Variants in DPRX observed in about 807,000 individuals in gnomAD.
The protein encoded by DPRX is divergent paired-related homeobox.
DPRX carries 11 observed loss-of-function variants against 8.4 expected under a neutral mutation model. The observed-to-expected ratio is 1.31, with a 90% CI of 0.82 to 2.17. DPRX has a LOEUF of 2.17. Among genes scored for constraint, DPRX ranks in the 30% most tolerant of loss-of-function variants. The probability of loss-of-function intolerance (pLI) is 0.00; values close to 1 mark genes in which losing one functional copy is unlikely to be tolerated. For missense variants in DPRX, 211 were observed against 236.7 expected, an observed-to-expected ratio of 0.89 and a Z score of 0.71; for synonymous variants, 72 against 87.0, an observed-to-expected ratio of 0.83 and a Z score of 0.96.
At chr19:53,619,462 G>T in the DPRX span, among the ~76,000 whole-genome samples, 1 of 152,082 alleles carries the variant, frequency 6.6e-6, no homozygotes, top group Non-Finnish European at 1.5e-5. Context: ...ATCACCTGAG[G>T]TTGGGAGTTA....
chr19:53,627,610 T>C (rs531763033), upstream of DPRX, among the ~76,000 whole-genome samples: 11 of 151,326 alleles, frequency 7.3e-5, no homozygotes, highest in East Asian at 2.2e-3. Context: ...CTAATTTTTG[T>C]ACTTTTTTAG....
chr19:53,624,745 G>A, the DPRX span, among the ~76,000 whole-genome samples: 1 of 150,684 alleles, frequency 6.6e-6, no homozygotes, highest in Non-Finnish European at 1.5e-5. Context: ...GGGAAACTGA[G>A]GCACGAGAAT....
the DPRX span, among the ~76,000 whole-genome samples, chr19:53,605,195 G>C: frequency 6.6e-6 from 1 of 151,988 alleles, no homozygotes; most frequent in Non-Finnish European, 1.5e-5. Context: ...ACTGGCATGG[G>C]TAAGAGTGAG....
At chr19:53,611,612 T>A in the DPRX span, among the ~76,000 whole-genome samples, 1 of 152,008 alleles carries the variant, frequency 6.6e-6, no homozygotes, top group East Asian at 1.9e-4. Context: ...AAAAAGAGAT[T>A]TTTAAAAAAA....
At chr19:53,613,531 G>A in the DPRX span, among the ~76,000 whole-genome samples, 3 of 119,198 alleles carry the variant, frequency 2.5e-5, no homozygotes, top group East Asian at 2.3e-4. Context: ...TTTTTTTTTT[G>A]TATTTTTAGT....
chr19:53,611,861 A>G, the DPRX span, among the ~76,000 whole-genome samples: 1 of 151,736 alleles, frequency 6.6e-6, no homozygotes, highest in South Asian at 2.1e-4. Context: ...AGGCAGGTGG[A>G]TCACCTGAGG....
At chr19:53,605,831 A>C in the DPRX span, among the ~76,000 whole-genome samples, 2 of 150,602 alleles carry the variant, frequency 1.3e-5, no homozygotes, top group Admixed American at 1.3e-4. Flanking sequence ...TGCCTGGCTA[A>C]CTTTTTTTTT....
At chr19:53,619,871 AAG>A in the DPRX span, among the ~76,000 whole-genome samples, 1 of 150,768 alleles carries the variant, frequency 6.6e-6, no homozygotes, top group Admixed American at 6.7e-5. Flanking sequence ...AAAAAAAAAA[AAG>A]GATAAGTTGC....
At chr19:53,613,018 G>C in the DPRX span, among the ~76,000 whole-genome samples, 2 of 152,130 alleles carry the variant, frequency 1.3e-5, no homozygotes, top group African/African-American at 4.8e-5. Context: ...GGGAAAATTA[G>C]AGTCAGAGAT....
intron 1 of DPRX, among the ~76,000 whole-genome samples, chr19:53,632,467 A>G (rs1404970366): frequency 2.0e-5 from 3 of 148,210 alleles, no homozygotes; most frequent in Admixed American, 6.8e-5. Flanking sequence ...CACCTGGCTA[A>G]TTTTTTTTTT....
the DPRX span, among the ~76,000 whole-genome samples, chr19:53,623,481 A>G: frequency 2.0e-5 from 3 of 151,684 alleles, no homozygotes. Flanking sequence ...TCTACTAAAA[A>G]TACAAAATTA....
At chr19:53,629,994 G>A (rs760997446), upstream of DPRX, 1 of 151,346 alleles carries the variant, frequency 6.6e-6, no homozygotes, top group Non-Finnish European at 1.5e-5. Context: ...ATCACCTGAG[G>A]TCAGGAGTTT....
At chr19:53,616,515 G>T in the DPRX span, among the ~76,000 whole-genome samples, 2 of 152,068 alleles carry the variant, frequency 1.3e-5, no homozygotes, top group African/African-American at 2.4e-5. Flanking sequence ...AGCACTTTGG[G>T]AGGCTGAGGC....
At chr19:53,624,990 G>A in the DPRX span, among the ~76,000 whole-genome samples, 2 of 151,134 alleles carry the variant, frequency 1.3e-5, no homozygotes, top group African/African-American at 4.9e-5. Flanking sequence ...AGGATGAAAT[G>A]TAATCAACTT....
chr19:53,634,629 C>A (rs150927264), exon 2 of DPRX: 2 of 1,613,908 alleles, frequency 1.2e-6, no homozygotes, highest in Non-Finnish European at 1.7e-6. Flanking sequence ...ATACCCAAAC[C>A]CCAGCCTTCA....
chr19:53,624,045 A>AGTGTATT, the DPRX span, among the ~76,000 whole-genome samples: 2 of 146,126 alleles, frequency 1.4e-5, no homozygotes, highest in African/African-American at 2.5e-5. Flanking sequence ...CGATGTAAAG[A>AGTGTATT]GTGTATTTCA....
Position 53,634,615 on chromosome 19 carries a change from AC to A in DPRX, c.116del (p.Pro39HisfsTer15). On this transcript the variant is annotated frameshift_variant, in exon 2 of 3. Transcript: ENST00000376650. LOFTEE classifies it high-confidence loss of function. ...GATCTGAACATCTTGTTCAATGAGA[AC>A]CCATACCCAAACCCCAGCCTTCAGA... is the stretch of plus-strand genomic sequence containing the variant. The A allele has an allele frequency of 6.2e-7, 1 of 1,613,986 alleles. No individual in the cohort carries two copies. The highest frequency in any genetic ancestry group is 8.5e-7 in the Non-Finnish European group (1 of 1,179,932).
chr19:53,620,108 C>T, the DPRX span, among the ~76,000 whole-genome samples: 2 of 152,058 alleles, frequency 1.3e-5, no homozygotes, highest in Non-Finnish European at 2.9e-5. Context: ...CTCGCTCTGT[C>T]CCCCAGGCTA....
intron 1 of DPRX, among the ~76,000 whole-genome samples, chr19:53,634,007 A>C (rs2091102874): frequency 6.6e-6 from 1 of 152,338 alleles, no homozygotes; most frequent in East Asian, 1.9e-4. Flanking sequence ...TTTTCCTATG[A>C]AAATGACAAA....
Sources: allele counts gnomAD v4.1 joint callset (sites outside exome capture counted in the v4.1 genomes callset), GRCh38; gene constraint gnomAD v4.1.1; transcripts MANE v1.5; gene names NCBI Gene and HGNC (gene_info 2026-07-23, HGNC 2026-07-21).